Variants in TMEM132C observed in about 807,000 individuals in gnomAD.
TMEM132C encodes protein phosphatase 1, regulatory subunit 152.
TMEM132C carries 29 observed loss-of-function variants against 61.4 expected under a neutral mutation model. The observed-to-expected ratio is 0.47, with a 90% CI of 0.35 to 0.64. The LOEUF is 0.64. TMEM132C is among the 30% of genes least tolerant of loss of function. The pLI, the probability that TMEM132C is intolerant of heterozygous loss-of-function variation, is 0.00. For missense variants in TMEM132C, 1,408 were observed against 1,476.9 expected (o/e 0.95, Z 0.76); for synonymous variants, 656 against 633.1 (o/e 1.04, Z -0.54).
chr12:128,657,559 C>T (rs192609538), intron 4 of TMEM132C, among the ~76,000 whole-genome samples: 100 of 152,100 alleles, frequency 6.6e-4, no homozygotes, highest in Non-Finnish European at 1.1e-3. Flanking sequence ...TGCCAGGGCT[C>T]GATCTGATTG....
intron 1 of TMEM132C, among the ~76,000 whole-genome samples, chr12:128,342,840 A>G (rs1873021570): frequency 6.6e-6 from 1 of 152,046 alleles, no homozygotes; most frequent in Admixed American, 6.5e-5. Context: ...CGCCCTTTGA[A>G]CTTCATTTCC....
intron 1 of TMEM132C, among the ~76,000 whole-genome samples, chr12:128,373,766 A>G (rs1200960817): frequency 6.6e-6 from 1 of 152,206 alleles, no homozygotes; most frequent in Non-Finnish European, 1.5e-5. Context: ...ATGAGTGAAC[A>G]CCGGTAGGTC....
chr12:128,304,562 T>C (rs1871699196), intron 1 of TMEM132C, among the ~76,000 whole-genome samples: 1 of 151,594 alleles, frequency 6.6e-6, no homozygotes, highest in South Asian at 2.1e-4. Flanking sequence ...TGAGCCAAGA[T>C]TGCACCACTG....
At chr12:128,504,161 A>G (rs10847633) in intron 2 of TMEM132C, among the ~76,000 whole-genome samples, 66,870 of 151,854 alleles carry the variant, frequency 0.44, 15,034 homozygotes, top group East Asian at 0.57. Flanking sequence ...TGTTCATGTG[A>G]CAGCTCAGGG....
chr12:128,271,926 G>A (rs1870534525), intron 1 of TMEM132C, among the ~76,000 whole-genome samples: 1 of 152,098 alleles, frequency 6.6e-6, no homozygotes, highest in Admixed American at 6.6e-5. Context: ...ATGTGTCTTT[G>A]GTATATTAAT....
intron 2 of TMEM132C, among the ~76,000 whole-genome samples, chr12:128,491,195 A>G (rs970956074): frequency 1.3e-5 from 2 of 152,150 alleles, no homozygotes; most frequent in Non-Finnish European, 2.9e-5. Flanking sequence ...ATTTGTTATC[A>G]TTGATAAGGA....
intron 3 of TMEM132C, among the ~76,000 whole-genome samples, chr12:128,585,156 C>T (rs1875495961): frequency 6.6e-6 from 1 of 152,226 alleles, no homozygotes; most frequent in Admixed American, 6.5e-5. Context: ...TTTTTGAACA[C>T]TATGTTCTTG....
At chr12:128,657,310 G>C (rs560493029) in intron 4 of TMEM132C, among the ~76,000 whole-genome samples, 2 of 152,240 alleles carry the variant, frequency 1.3e-5, no homozygotes, top group African/African-American at 4.8e-5. Context: ...CCACAGAGAG[G>C]GAAAACGTAA....
chr12:128,653,333 G>GA (rs1180576953), intron 4 of TMEM132C, among the ~76,000 whole-genome samples: 1 of 152,206 alleles, frequency 6.6e-6, no homozygotes, highest in Non-Finnish European at 1.5e-5. Context: ...GAGGTGTTCT[G>GA]AAGCTAGATT....
At chr12:128,359,569 A>G (rs1389682389) in intron 1 of TMEM132C, among the ~76,000 whole-genome samples, 1 of 152,232 alleles carries the variant, frequency 6.6e-6, no homozygotes, top group Admixed American at 6.5e-5. Context: ...TATTTGCTAT[A>G]GTCACATGAG....
intron 2 of TMEM132C, among the ~76,000 whole-genome samples, chr12:128,492,111 T>C (rs1456140295): frequency 6.6e-6 from 1 of 152,154 alleles, no homozygotes; most frequent in Non-Finnish European, 1.5e-5. Context: ...TTTGGTTTTT[T>C]GTTCTTGCAA....
chr12:128,501,930 G>A (rs1872195541), intron 2 of TMEM132C, among the ~76,000 whole-genome samples: 1 of 152,222 alleles, frequency 6.6e-6, no homozygotes, highest in South Asian at 2.1e-4. Context: ...GAAAGCCTGA[G>A]TCAGTAGTTC....
chr12:128,560,958 C>G (rs551643497), intron 3 of TMEM132C, among the ~76,000 whole-genome samples: 1 of 152,172 alleles, frequency 6.6e-6, no homozygotes, highest in Non-Finnish European at 1.5e-5. Context: ...GGAAGAGGCT[C>G]AGACAGTCTC....
chr12:128,363,035 G>A (rs1267841340), intron 1 of TMEM132C, among the ~76,000 whole-genome samples: 5 of 151,912 alleles, frequency 3.3e-5, no homozygotes, highest in African/African-American at 9.7e-5. Context: ...GCCTTTGCCA[G>A]GAAAAAGAAA....
intron 2 of TMEM132C, among the ~76,000 whole-genome samples, chr12:128,538,452 A>G (rs1873615743): frequency 6.6e-6 from 1 of 152,062 alleles, no homozygotes; most frequent in Admixed American, 6.6e-5. Context: ...TAGAGACAGC[A>G]TGTTATTTTG....
chr12:128,286,902 G>A (rs895316386), intron 1 of TMEM132C, among the ~76,000 whole-genome samples: 6 of 152,108 alleles, frequency 3.9e-5, no homozygotes, highest in African/African-American at 1.2e-4. Context: ...TTGAGAGAGA[G>A]GGGTAGAAAG....
chr12:128,429,086 G>A (rs1355033883), intron 2 of TMEM132C, among the ~76,000 whole-genome samples: 1 of 152,164 alleles, frequency 6.6e-6, no homozygotes, highest in African/African-American at 2.4e-5. Context: ...TTCTTTGGGA[G>A]GAGGGATGCC....
At chr12:128,603,978 G>A (rs770131440) in intron 3 of TMEM132C, among the ~76,000 whole-genome samples, 5 of 152,168 alleles carry the variant, frequency 3.3e-5, no homozygotes, top group Non-Finnish European at 5.9e-5. Flanking sequence ...TAGCTGCTAT[G>A]GAATGGGGAA....
chr12:128,424,046 CAAAAA>C (rs144980387), intron 2 of TMEM132C, among the ~76,000 whole-genome samples: 6 of 72,782 alleles, frequency 8.2e-5, no homozygotes, highest in Non-Finnish European at 1.2e-4. Flanking sequence ...GACTCTGTCT[CAAAAA>C]AAAAAAAAAA....
Sources: allele counts gnomAD v4.1 joint callset (sites outside exome capture counted in the v4.1 genomes callset), GRCh38; gene constraint gnomAD v4.1.1; transcripts MANE v1.5; gene names NCBI Gene and HGNC (gene_info 2026-07-23, HGNC 2026-07-21).